The following RAC1 variants were observed in gnomAD, a reference collection of about 807,000 sequenced individuals.
RAC1 encodes Rac family small GTPase 1, also known as ras-related C3 botulinum toxin substrate 1.
Under a neutral mutation model 25.2 loss-of-function variants are expected in RAC1, and 2 were observed. That is an observed-to-expected ratio of 0.08 (90% confidence interval 0.03 to 0.25). The LOEUF (loss-of-function observed/expected upper bound fraction) is 0.25, where lower values mean the gene tolerates loss of function less well. RAC1 is among the 10% of genes least tolerant of loss of function. RAC1 has a pLI of 1.00. For missense variants in RAC1, 50 were observed against 235.7 expected (o/e 0.21, Z 5.16); for synonymous variants, 88 against 94.0 (o/e 0.94, Z 0.37).
intron 1 of RAC1, among the ~76,000 whole-genome samples, chr7:6,378,595 A>T (rs745352689): frequency 7.9e-5 from 12 of 152,208 alleles, no homozygotes; most frequent in Non-Finnish European, 1.3e-4. Flanking sequence ...CATGTTAGAA[A>T]ATTCTAGATT....
intron 3 of RAC1, among the ~76,000 whole-genome samples, chr7:6,398,047 G>A (rs1224998883): frequency 1.3e-5 from 2 of 152,316 alleles, no homozygotes; most frequent in Non-Finnish European, 2.9e-5. Context: ...CCCAGAATTG[G>A]AGGTCTTAGT....
intron 2 of RAC1, among the ~76,000 whole-genome samples, chr7:6,388,346 CTTTTTTT>C (rs71008389): frequency 4.9e-5 from 6 of 121,826 alleles, no homozygotes; most frequent in Admixed American, 4.7e-4. Flanking sequence ...TGTTGTTTTC[CTTTTTTT>C]TTTTTTTTTT....
At chr7:6,393,780 AG>A (rs1224476126) in intron 3 of RAC1, among the ~76,000 whole-genome samples, 1 of 152,144 alleles carries the variant, frequency 6.6e-6, no homozygotes, top group African/African-American at 2.4e-5. Context: ...TGTGCTAGCA[AG>A]GGGGTGAGCC....
At chr7:6,382,492 A>T (rs1186380360) in intron 1 of RAC1, among the ~76,000 whole-genome samples, 1 of 151,932 alleles carries the variant, frequency 6.6e-6, no homozygotes, top group East Asian at 1.9e-4. Flanking sequence ...AGATTTGTTG[A>T]TTGTGCTTTT....
chr7:6,377,705 A>G (rs955496724), intron 1 of RAC1, among the ~76,000 whole-genome samples: 4 of 152,176 alleles, frequency 2.6e-5, no homozygotes, highest in Admixed American at 6.5e-5. Flanking sequence ...ACCTGAGGTC[A>G]GGAGTTTGAG....
chr7:6,376,670 TTGTTTTTTTTTTTTTTTTTTG>T (rs1562459880), intron 1 of RAC1, among the ~76,000 whole-genome samples: 2 of 100,564 alleles, frequency 2.0e-5, no homozygotes, highest in African/African-American at 1.3e-4. Context: ...CCCAGCTAAT[TTGTTTTTTTTTTTTTTTTTTG>T]TATTTTTTTG....
chr7:6,387,193 T>G lies in RAC1; in HGVS notation c.36-19T>G, dbSNP rs757735567. The G allele has an allele frequency of 2.6e-6, 4 of 1,519,282 alleles. No individual in the cohort carries two copies. In the South Asian group the frequency reaches 4.8e-5, roughly 18 times the overall value. 94.1% of individuals were successfully genotyped at this position (1,519,282 alleles called of 1,614,324 possible). ...TACATTCATGTTGACTAAGCAACCT[T>G]TTTTCTCTTTCTCTTTAGAGCTGTA... is the stretch of plus-strand genomic sequence containing the variant. On this transcript the variant is annotated intron_variant, in intron 1 of 5. Transcript: ENST00000348035.
At chr7:6,402,204 G>A in intron 5 of RAC1, 112 bp from the exon 6 acceptor site, 1 of 1,489,528 alleles carries the variant, frequency 6.7e-7, no homozygotes, top group Non-Finnish European at 9.0e-7. Flanking sequence ...GTGGAAGCAG[G>A]GCTGGGAGCC....
At chr7:6,397,286 A>G (rs1783271419) in intron 3 of RAC1, among the ~76,000 whole-genome samples, 1 of 148,958 alleles carries the variant, frequency 6.7e-6, no homozygotes, top group South Asian at 2.2e-4. Context: ...CTTGAGTGAG[A>G]TGAAATTAAA....
intron 1 of RAC1, among the ~76,000 whole-genome samples, chr7:6,384,041 C>T (rs559897425): frequency 1.6e-4 from 25 of 151,970 alleles, no homozygotes; most frequent in Middle Eastern, 3.4e-3. Flanking sequence ...GTGATCCGCC[C>T]GCCTTGGCCT....
chr7:6,399,077 T>C (rs1282103897), intron 3 of RAC1, among the ~76,000 whole-genome samples: 6 of 151,750 alleles, frequency 4.0e-5, no homozygotes, highest in Admixed American at 6.6e-5. Flanking sequence ...GCCTTCTTTC[T>C]CCGCTTGGGT....
chr7:6,388,597 G>A (rs778962372), intron 2 of RAC1, among the ~76,000 whole-genome samples: 36 of 151,966 alleles, frequency 2.4e-4, no homozygotes, highest in Non-Finnish European at 5.0e-4. Flanking sequence ...GCCCACTTCA[G>A]CCTCCCAAAG....
intron 1 of RAC1, among the ~76,000 whole-genome samples, chr7:6,383,908 C>G (rs957056090): frequency 6.2e-5 from 9 of 145,246 alleles, no homozygotes; most frequent in African/African-American, 2.3e-4. Flanking sequence ...GTTCAAGCGA[C>G]TCTCCTGCTT....
chr7:6,379,139 C>T (rs1478445964), intron 1 of RAC1, among the ~76,000 whole-genome samples: 2 of 151,946 alleles, frequency 1.3e-5, no homozygotes, highest in African/African-American at 2.4e-5. Flanking sequence ...TTATAAACAA[C>T]TTTTATTATT....
intron 3 of RAC1, among the ~76,000 whole-genome samples, chr7:6,392,435 A>C (rs1783114465): frequency 6.6e-6 from 1 of 152,250 alleles, no homozygotes; most frequent in Non-Finnish European, 1.5e-5. Flanking sequence ...TTAGTAACTA[A>C]TCTCACAGGT....
At chr7:6,389,831 G>C (rs1783036773) in intron 2 of RAC1, among the ~76,000 whole-genome samples, 2 of 152,122 alleles carry the variant, frequency 1.3e-5, no homozygotes, top group South Asian at 4.1e-4. Flanking sequence ...TGGCTCTTTT[G>C]AATGTTTACT....
chr7:6,383,530 G>A (rs1782831670), intron 1 of RAC1, among the ~76,000 whole-genome samples: 1 of 152,076 alleles, frequency 6.6e-6, no homozygotes, highest in African/African-American at 2.4e-5. Context: ...ATCAGATTAT[G>A]CCAGTACCTT....
chr7:6,389,748 A>G (rs1004616628), intron 2 of RAC1, among the ~76,000 whole-genome samples: 1 of 152,106 alleles, frequency 6.6e-6, no homozygotes, highest in Non-Finnish European at 1.5e-5. Flanking sequence ...GCTGGTCTTG[A>G]AGACCTGGCC....
intron 1 of RAC1, among the ~76,000 whole-genome samples, chr7:6,377,068 T>C (rs1782625027): frequency 6.6e-6 from 1 of 152,024 alleles, no homozygotes; most frequent in Non-Finnish European, 1.5e-5. Context: ...AAGATGTTGG[T>C]TATTAACTAC....
Sources: gnomAD v4.1 joint callset for allele counts (sites outside exome capture counted in the v4.1 genomes callset) on GRCh38, gnomAD v4.1.1 for gene constraint, MANE v1.5 for transcripts, NCBI Gene and HGNC (gene_info 2026-07-23, HGNC 2026-07-21) for gene names.